The following SORL1 variants were observed in gnomAD, a reference collection of about 807,000 sequenced individuals.
SORL1 encodes sortilin-related receptor.
A neutral mutation model predicts 273.7 loss-of-function variants in SORL1; 127 were observed. That is an observed-to-expected ratio of 0.46 (90% CI 0.40 to 0.54). SORL1 has a LOEUF of 0.54. SORL1 is among the 20% of genes least tolerant of loss of function. SORL1 has a pLI of 0.00. For missense variants in SORL1, 2,494 were observed against 2,846.1 expected (o/e 0.88, Z 2.81); for synonymous variants, 1,031 against 1,067.4 (o/e 0.97, Z 0.66).
intron 2 of SORL1, among the ~76,000 whole-genome samples, chr11:121,477,393 A>G (rs1262948516): frequency 6.6e-6 from 1 of 152,258 alleles, no homozygotes; most frequent in African/African-American, 2.4e-5. Context: ...GGCACCATTC[A>G]ACAGATGGCA....
intron 1 of SORL1, among the ~76,000 whole-genome samples, chr11:121,462,865 G>A (rs1283631160): frequency 6.6e-6 from 1 of 152,224 alleles, no homozygotes; most frequent in Non-Finnish European, 1.5e-5. Context: ...GATTGCAGAT[G>A]TGAGTCTGCC....
intron 1 of SORL1, among the ~76,000 whole-genome samples, chr11:121,467,657 C>T (rs1861104059): frequency 6.6e-6 from 1 of 152,054 alleles, no homozygotes; most frequent in Non-Finnish European, 1.5e-5. Flanking sequence ...AGCTGGGATT[C>T]CCAGGGCACA....
chr11:121,586,435 A>G, intron 27 of SORL1, 106 bp downstream of exon 27: 1 of 870,418 alleles, frequency 1.1e-6, no homozygotes. Context: ...GCTTGTGGTT[A>G]GCTTTTAACT....
At position 121,558,965 on chromosome 11, in the gene SORL1, T is replaced by G. The variant is rs959716636; in HGVS notation, c.2910+128T>G. 3.0e-5 allele frequency: 37 copies of G among 1,214,336 alleles called. No individual in the cohort carries two copies. The Middle Eastern group carries it at 8.4e-4, about 27-fold the overall frequency. The allele number at this position is 1,214,336 out of a possible 1,614,324, so 75.2% of individuals were successfully genotyped here. A position where few individuals can be genotyped will look rare whatever the true frequency, so the allele number is the denominator to read the frequency against. On this transcript the variant is annotated intron_variant, in intron 20 of 47. Coordinates refer to ENST00000260197, the MANE Select transcript of SORL1 (RefSeq NM_003105.6). ...CTTAAAGGTTGCCTTTTTTCCAAATTTGAGATAACTTATTTTCAGCCTATG... is the reference window on the plus strand; with the variant it reads ...CTTAAAGGTTGCCTTTTTTCCAAATGTGAGATAACTTATTTTCAGCCTATG...
chr11:121,587,885 C>T, intron 27 of SORL1, 135 bp from the exon 28 acceptor site: 1 of 973,476 alleles, frequency 1.0e-6, no homozygotes, highest in Non-Finnish European at 1.5e-6. Flanking sequence ...TGGCAGAAAA[C>T]AAGTGCTCAA....
intron 11 of SORL1, among the ~76,000 whole-genome samples, chr11:121,526,644 C>G (rs1411322142): frequency 6.6e-6 from 1 of 152,016 alleles, no homozygotes; most frequent in Non-Finnish European, 1.5e-5. Flanking sequence ...TTTGTAGTTT[C>G]CAATGTAGAG....
At chr11:121,582,809 C>T (rs907046542) in intron 25 of SORL1, among the ~76,000 whole-genome samples, 2 of 152,134 alleles carry the variant, frequency 1.3e-5, no homozygotes, top group Non-Finnish European at 2.9e-5. Context: ...TTGGATGACT[C>T]TTTTATATTC....
chr11:121,576,384 C>G (rs117806822), intron 24 of SORL1, among the ~76,000 whole-genome samples: 1 of 152,130 alleles, frequency 6.6e-6, no homozygotes, highest in South Asian at 2.1e-4. Context: ...GAGTGAACAG[C>G]TCCCTCCCAC....
Position 121,517,216 on chromosome 11 carries a change from T to A in SORL1, c.1211+2895T>A, listed in dbSNP as rs141976184. Reference sequence around the variant, plus strand: ...TCTCCAAAAGAGAACCCCATGCCCATTAAGCCGCTTCTCTCCACCGTCCCC... The same window carrying A: ...TCTCCAAAAGAGAACCCCATGCCCAATAAGCCGCTTCTCTCCACCGTCCCC... On this transcript the variant is annotated intron_variant, in intron 8 of 47. Transcript: ENST00000260197. 1.4e-3 allele frequency among the ~76,000 whole-genome samples: 216 copies of A among 152,308 alleles called. No individual in the cohort carries two copies. The Middle Eastern group carries it at 0.017, about 12-fold the overall frequency.
intron 5 of SORL1, among the ~76,000 whole-genome samples, chr11:121,494,013 C>T (rs1861593185): frequency 6.6e-6 from 1 of 152,168 alleles, no homozygotes; most frequent in African/African-American, 2.4e-5. Flanking sequence ...TCCAAGGACA[C>T]CCTCTGCTCA....
rs564940026 is a variant in SORL1 at position 121,574,874 on chromosome 11, A to G, written c.3460+511A>G. ...AATTCAGGGGGTTATTAACAGCTCT[A>G]CAGGCTTGGCCCACATGTCTCAGTG... On this transcript the variant is annotated intron_variant, in intron 24 of 47. Transcript: ENST00000260197. 2.6e-5 allele frequency among the ~76,000 whole-genome samples: 4 copies of G among 152,318 alleles called. No homozygotes were observed. The East Asian group carries it at 5.8e-4, about 22-fold the overall frequency.
At chr11:121,474,349 G>A (rs1447492114) in intron 2 of SORL1, among the ~76,000 whole-genome samples, 1 of 152,208 alleles carries the variant, frequency 6.6e-6, no homozygotes, top group East Asian at 1.9e-4. Context: ...GGGGCGGAGA[G>A]GGGGCAGTCT....
rs373776945 is a variant in SORL1 at position 121,605,416 on chromosome 11, G to C, written c.4793G>C (p.Ser1598Thr). ...YNVYYRVVGE[S>T]IWKTLETHSN... ...TTTTGGGCCAGGGTGGTTGGAGAGA[G>C]CATATGGAAGACTCTGGAGACCCAC... The change falls in exon 35 of 48, where the codon AGC becomes ACC. Residue 1598 changes from serine (S) to threonine (T), a missense_variant. Ser to Thr is a moderately conservative substitution (Grantham distance 58). Coordinates refer to ENST00000260197, the MANE Select transcript of SORL1 (RefSeq NM_003105.6). 1.6e-5 allele frequency: 26 copies of C among 1,612,728 alleles called. No individual in the cohort carries two copies. Among genetic ancestry groups the C allele is most frequent in the African/African-American group, 4.0e-5 (3 of 74,848 alleles).
intron 11 of SORL1, 143 bp from the exon 12 acceptor site, chr11:121,532,321 T>A (rs1862213596): frequency 1.5e-6 from 1 of 682,006 alleles, no homozygotes; most frequent in African/African-American, 1.8e-5. Flanking sequence ...CAATGTCTTC[T>A]GTAAACGGAA....
chr11:121,514,053 C>T (rs757747988), intron 7 of SORL1, 99 bp from the exon 8 acceptor site: 133 of 1,335,492 alleles, frequency 1.0e-4, no homozygotes, highest in Non-Finnish European at 1.3e-4. Flanking sequence ...CAACATTCAT[C>T]GCTAGAACAT....
chr11:121,593,566 C>T (rs1863248023), intron 31 of SORL1, among the ~76,000 whole-genome samples: 1 of 152,158 alleles, frequency 6.6e-6, no homozygotes, highest in Non-Finnish European at 1.5e-5. Context: ...TGCCTTTCTC[C>T]CAGTTTAGAT....
rs192282695 is a variant in SORL1, at chr11:121,588,926, A to C, written c.3947-333A>C. Reference sequence around the variant, plus strand: ...CAGGCCTATTAGATTCGGGCCACCCAGATCACCTCATTCTAACGTTTCCTC... The same window carrying C: ...CAGGCCTATTAGATTCGGGCCACCCCGATCACCTCATTCTAACGTTTCCTC... On this transcript the variant is annotated intron_variant, in intron 28 of 47. Coordinates refer to ENST00000260197, the MANE Select transcript of SORL1 (RefSeq NM_003105.6). Among the ~76,000 whole-genome samples, 22 of 152,300 alleles carry C rather than the reference A, an allele frequency of 1.4e-4. No individual in the cohort carries two copies. In the East Asian group the frequency reaches 4.1e-3, roughly 28 times the overall value.
chr11:121,496,745 A>G (rs1861634911), intron 5 of SORL1, 124 bp from the exon 6 acceptor site: 1 of 721,626 alleles, frequency 1.4e-6, no homozygotes, highest in Non-Finnish European at 2.3e-6. Context: ...AGGCACAGAG[A>G]GTATGATCTG....
intron 25 of SORL1, among the ~76,000 whole-genome samples, chr11:121,580,792 A>T (rs1350287528): frequency 6.6e-6 from 1 of 151,070 alleles, no homozygotes; most frequent in Non-Finnish European, 1.5e-5. Context: ...TTTTGTAGAG[A>T]TGGGGTTTTG....
Sources: gnomAD v4.1 joint callset for allele counts (sites outside exome capture counted in the v4.1 genomes callset) on GRCh38, gnomAD v4.1.1 for gene constraint, MANE v1.5 for transcripts, NCBI Gene and HGNC (gene_info 2026-07-23, HGNC 2026-07-21) for gene names.